Variants in OSBPL1A observed in about 807,000 individuals in gnomAD.
OSBPL1A encodes the protein oxysterol-binding protein-related protein 1.
A neutral mutation model predicts 137.1 loss-of-function variants in OSBPL1A; 80 were observed. The observed-to-expected ratio is 0.58, with a 90% CI of 0.49 to 0.70. OSBPL1A has a LOEUF of 0.70. OSBPL1A is among the 30% of genes least tolerant of loss of function. The pLI, the probability that OSBPL1A is intolerant of heterozygous loss-of-function variation, is 0.00. For synonymous variants in OSBPL1A, 365 were observed against 389.7 expected, an observed-to-expected ratio of 0.94 and a Z score of 0.75; for missense variants, 970 against 1,129.4, an observed-to-expected ratio of 0.86 and a Z score of 2.02.
intron 15 of OSBPL1A, among the ~76,000 whole-genome samples, chr18:24,242,353 G>GAAAGA (rs1231046574): frequency 1.3e-5 from 2 of 150,096 alleles, no homozygotes; most frequent in Admixed American, 6.6e-5. Context: ...AAAAAAGAAA[G>GAAAGA]AAAGAAAAGA....
chr18:24,165,218 T>A, intron 26 of OSBPL1A, 63 bp from the exon 27 acceptor site: 2 of 1,411,072 alleles, frequency 1.4e-6, no homozygotes, highest in South Asian at 1.2e-5. Context: ...GGCACAGTAT[T>A]AAGCACAAGA....
intron 2 of OSBPL1A, among the ~76,000 whole-genome samples, chr18:24,368,801 T>C (rs1187742391): frequency 1.3e-5 from 2 of 152,192 alleles, no homozygotes; most frequent in African/African-American, 4.8e-5. Context: ...CAACTCTCTG[T>C]ACACCTGTAC....
intron 12 of OSBPL1A, among the ~76,000 whole-genome samples, chr18:24,313,272 C>T (rs2090659293): frequency 6.6e-6 from 1 of 151,736 alleles, no homozygotes; most frequent in Non-Finnish European, 1.5e-5. Flanking sequence ...GAAACCCTGT[C>T]TCTACTAAAA....
intron 15 of OSBPL1A, among the ~76,000 whole-genome samples, chr18:24,264,821 T>C (rs1432304763): frequency 6.6e-6 from 1 of 152,218 alleles, no homozygotes; most frequent in Non-Finnish European, 1.5e-5. Flanking sequence ...TCTTTGGCAT[T>C]AAATTTGGAG....
chr18:24,361,245 T>C (rs2091616639), intron 4 of OSBPL1A, among the ~76,000 whole-genome samples: 1 of 152,208 alleles, frequency 6.6e-6, no homozygotes, highest in South Asian at 2.1e-4. Context: ...CAAGCTGGTC[T>C]TGAACTCCTG....
At chr18:24,347,474 AGCGCCCGG>A (rs1279202601) in intron 4 of OSBPL1A, among the ~76,000 whole-genome samples, 1 of 152,164 alleles carries the variant, frequency 6.6e-6, no homozygotes, top group East Asian at 1.9e-4. Context: ...CGTAAGCCAC[AGCGCCCGG>A]CCGTAAAGCA....
chr18:24,269,261 A>G (rs1003525488), intron 15 of OSBPL1A, among the ~76,000 whole-genome samples: 6 of 152,212 alleles, frequency 3.9e-5, no homozygotes, highest in African/African-American at 9.6e-5. Flanking sequence ...ACTGCCCAAG[A>G]TAAGTTTCGA....
At chr18:24,386,941 A>C (rs1906995982) in intron 1 of OSBPL1A, among the ~76,000 whole-genome samples, 1 of 152,062 alleles carries the variant, frequency 6.6e-6, no homozygotes, top group Non-Finnish European at 1.5e-5. Context: ...TGTGTGACAG[A>C]GTGAGACCCT....
rs201488749 is a variant in OSBPL1A, at chr18:24,359,696, T to TA, written c.282+7195dup. ...TGTATCTAAATAAATAAATAAAAAT[T>TA]AAAAAAAAATAAAAGTATTCTCAAT... On this transcript the variant is annotated intron_variant, in intron 4 of 27. Transcript: ENST00000319481. Among the ~76,000 whole-genome samples the TA allele has an allele frequency of 6.7e-5, 10 of 150,244 alleles. No homozygotes were observed. The South Asian group carries it at 8.5e-4, about 13-fold the overall frequency.
Position 24,180,716 on chromosome 18 carries a change from A to G in OSBPL1A, c.1812+429T>C, listed in dbSNP as rs529199356. 3.3e-5 allele frequency among the ~76,000 whole-genome samples: 5 copies of G among 152,322 alleles called. No homozygotes were observed. In the East Asian group the frequency reaches 9.6e-4, roughly 29 times the overall value. ...AGGTGAAAACCCGTCTCTACTAAAA[A>G]AATACAAAAAATTAGCCAGGCATAG... is the stretch of plus-strand genomic sequence containing the variant. On this transcript the variant is annotated intron_variant, in intron 19 of 27. Transcript: ENST00000319481.
chr18:24,352,537 C>A (rs9945720), intron 4 of OSBPL1A, among the ~76,000 whole-genome samples: 100,685 of 151,798 alleles, frequency 0.66, 34,222 homozygotes, highest in East Asian at 0.84. Context: ...GCTACCAATG[C>A]CTTTCTTCAC....
intron 15 of OSBPL1A, among the ~76,000 whole-genome samples, chr18:24,256,071 A>G (rs969833929): frequency 3.3e-5 from 5 of 152,194 alleles, no homozygotes; most frequent in African/African-American, 1.2e-4. Context: ...CTGAGATTAC[A>G]GGCGTGAGCT....
At chr18:24,327,667 C>A (rs2091005816) in intron 7 of OSBPL1A, among the ~76,000 whole-genome samples, 1 of 152,176 alleles carries the variant, frequency 6.6e-6, no homozygotes, top group African/African-American at 2.4e-5. Context: ...CCTCAGCCTC[C>A]CAAAGTACTG....
At chr18:24,370,343 T>C (rs667588) in intron 2 of OSBPL1A, among the ~76,000 whole-genome samples, 21 of 152,340 alleles carry the variant, frequency 1.4e-4, no homozygotes, top group African/African-American at 4.3e-4. Flanking sequence ...TCTGCTGCCA[T>C]CTGCCAGCCT....
At chr18:24,323,336 T>A in intron 7 of OSBPL1A, among the ~76,000 whole-genome samples, 1 of 150,986 alleles carries the variant, frequency 6.6e-6, no homozygotes, top group Middle Eastern at 3.4e-3. Flanking sequence ...GTGGATCGCT[T>A]GATGCCAGCA....
chr18:24,261,551 G>A (rs1222883292), intron 15 of OSBPL1A, among the ~76,000 whole-genome samples: 1 of 152,114 alleles, frequency 6.6e-6, no homozygotes, highest in Non-Finnish European at 1.5e-5. Flanking sequence ...AACATTTTTG[G>A]GCTGGACATG....
chr18:24,379,514 G>A (rs1381963216), intron 1 of OSBPL1A, among the ~76,000 whole-genome samples: 4 of 142,758 alleles, frequency 2.8e-5, no homozygotes, highest in African/African-American at 7.8e-5. Context: ...AGTGAGACTT[G>A]GTCTCAAAAA....
intron 2 of OSBPL1A, among the ~76,000 whole-genome samples, chr18:24,371,275 A>G (rs1393502692): frequency 6.6e-6 from 1 of 152,204 alleles, no homozygotes; most frequent in African/African-American, 2.4e-5. Context: ...CTGTCCAAGC[A>G]TCTCTCATAT....
At position 24,162,157 on chromosome 18, in the gene OSBPL1A, C is replaced by T. The variant is rs1286176661; in HGVS notation, c.*1022G>A. On this transcript the variant is annotated 3_prime_UTR_variant, in exon 28 of 28. Transcript: ENST00000319481. ...CACGGACTGGCAGCTACCTAGGCCCCTGGGAGCAGTATCTCAGTCTGGGGT... is the reference window on the plus strand; with the variant it reads ...CACGGACTGGCAGCTACCTAGGCCCTTGGGAGCAGTATCTCAGTCTGGGGT... 1 of 152,216 alleles carries T rather than the reference C, an allele frequency of 6.6e-6. No individual in the cohort carries two copies. The highest frequency in any genetic ancestry group is 1.5e-5 in the Non-Finnish European group (1 of 68,064). The allele number at this position is 152,216 out of a possible 1,614,324, so 9.4% of individuals were successfully genotyped here.
Sources: allele counts gnomAD v4.1 joint callset (sites outside exome capture counted in the v4.1 genomes callset), GRCh38; gene constraint gnomAD v4.1.1; transcripts MANE v1.5; gene names NCBI Gene and HGNC (gene_info 2026-07-23, HGNC 2026-07-21).